The following SETD3 variants were observed in gnomAD, a reference collection of about 807,000 sequenced individuals.
SETD3 encodes SET domain containing 3, actin N3(tau)-histidine methyltransferase, also known as actin-histidine N-methyltransferase.
In SETD3, 19 loss-of-function variants were observed where a neutral mutation model predicts 63.0. The ratio of observed to expected loss-of-function variants is 0.30; its 90% CI spans 0.21 to 0.44. SETD3 has a LOEUF of 0.44. Ranked by LOEUF, SETD3 falls within the 20% of genes least tolerant of loss-of-function variation. The pLI, the probability that SETD3 is intolerant of heterozygous loss-of-function variation, is 1.00. For missense variants in SETD3, 587 were observed against 728.5 expected, an observed-to-expected ratio of 0.81 and a Z score of 2.24; for synonymous variants, 286 against 264.1, an observed-to-expected ratio of 1.08 and a Z score of -0.80.
Position 99,398,811 on chromosome 14 carries a change from C to G in SETD3, c.1653G>C (p.Gly551=). The G allele has an allele frequency of 6.2e-7, 1 of 1,614,194 alleles. No homozygotes were observed. The highest frequency in any genetic ancestry group is 8.5e-7 in the Non-Finnish European group (1 of 1,180,030). ...AISKAKATEN[G]LVNGENSIPN... is the part of the protein sequence containing the mutation. ...GGATAGAGTTTTCACCGTTTACAAG[C>G]CCGTTTTCTGTGGCCTTTGCTTTGC... is the stretch of plus-strand genomic sequence containing the variant. Residue 551 remains glycine, a synonymous_variant, in exon 13 of 13, where the codon GGG becomes GGC. Transcript: ENST00000331768.
intron 6 of SETD3, among the ~76,000 whole-genome samples, chr14:99,444,004 A>G (rs541038474): frequency 2.2e-4 from 33 of 151,852 alleles, no homozygotes; most frequent in Non-Finnish European, 3.8e-4. Flanking sequence ...CACCTTCTTT[A>G]CTCCCACGCA....
Position 99,400,084 on chromosome 14 carries a change from A to G in SETD3, c.1338+15T>C. 1 of 1,593,406 alleles carries G rather than the reference A, an allele frequency of 6.3e-7. No homozygotes were observed. The highest frequency in any genetic ancestry group is 8.6e-7 in the Non-Finnish European group (1 of 1,169,118). ...ACACAACAAGTTCAAAACCTCATTTATTTAGTGTAATTACCTCAATAGTTG... is the reference window on the plus strand; with the variant it reads ...ACACAACAAGTTCAAAACCTCATTTGTTTAGTGTAATTACCTCAATAGTTG... On this transcript the variant is annotated intron_variant, in intron 12 of 12. Transcript: ENST00000331768.
intron 9 of SETD3, among the ~76,000 whole-genome samples, chr14:99,406,099 T>C (rs542681647): frequency 6.6e-6 from 1 of 152,302 alleles, no homozygotes; most frequent in African/African-American, 2.4e-5. Flanking sequence ...AATGAAAGTA[T>C]AAGACAACAG....
At position 99,410,224 on chromosome 14, in the gene SETD3, T is replaced by C. The variant is rs963695475; in HGVS notation, c.849+2727A>G. ...AAGGAATCTTCTGGTGTCTGAAGAA[T>C]AGCAGGGAACCAGAGGTGAGTCAGA... is the stretch of plus-strand genomic sequence containing the variant. On this transcript the variant is annotated intron_variant, in intron 8 of 12. Transcript: ENST00000331768. The C allele has an allele frequency of 1.9e-6, 3 of 1,613,342 alleles. No individual in the cohort carries two copies. The African/African-American group carries it at 4.0e-5, about 22-fold the overall frequency.
intron 6 of SETD3, among the ~76,000 whole-genome samples, chr14:99,427,282 G>A (rs190637410): frequency 2.0e-5 from 3 of 152,308 alleles, no homozygotes; most frequent in Admixed American, 2.0e-4. Context: ...GACTTTCAGT[G>A]AAAATACGTT....
At chr14:99,463,177 T>G (rs1895170351) in intron 3 of SETD3, among the ~76,000 whole-genome samples, 1 of 152,204 alleles carries the variant, frequency 6.6e-6, no homozygotes, top group Admixed American at 6.5e-5. Context: ...GTCCTGAAAC[T>G]CAAAAGGAAA....
chr14:99,432,746 CCCAGCTTCAA>C (rs1327858196), intron 6 of SETD3, among the ~76,000 whole-genome samples: 1 of 152,138 alleles, frequency 6.6e-6, no homozygotes, highest in Non-Finnish European at 1.5e-5. Context: ...CTGAGAGGCT[CCCAGCTTCAA>C]CCTGCTGACA....
intron 8 of SETD3, among the ~76,000 whole-genome samples, chr14:99,409,399 C>T (rs558667031): frequency 2.1e-3 from 316 of 152,216 alleles, no homozygotes; most frequent in Non-Finnish European, 3.5e-3. Context: ...GGGTGGCAGC[C>T]GGAGTTTGTT....
intron 11 of SETD3, 44 bp from the exon 12 acceptor site, chr14:99,400,303 C>T: frequency 1.3e-6 from 2 of 1,563,286 alleles, no homozygotes; most frequent in Non-Finnish European, 1.7e-6. Context: ...GAAAACATAG[C>T]ACTCCTCATT....
Position 99,460,435 on chromosome 14 carries a change from G to A in SETD3, c.345+757C>T, listed in dbSNP as rs111873537. Among the ~76,000 whole-genome samples the A allele has an allele frequency of 1.7e-4, 26 of 152,124 alleles. 1 individual carries two copies. The highest frequency in any genetic ancestry group is 6.3e-4 in the African/African-American group (26 of 41,492). On this transcript the variant is annotated intron_variant, in intron 4 of 12. Coordinates refer to ENST00000331768, the MANE Select transcript of SETD3 (RefSeq NM_032233.3). Reference sequence around the variant, plus strand: ...ACTCCCCCACCTAGTTACAGGCAGAGCTGGATCCCCACCGCCCTCCCCACA... The same window carrying A: ...ACTCCCCCACCTAGTTACAGGCAGAACTGGATCCCCACCGCCCTCCCCACA...
intron 8 of SETD3, 200 bp downstream of exon 8, chr14:99,412,751 T>G (rs551303264): frequency 1.9e-6 from 1 of 532,210 alleles, no homozygotes; most frequent in South Asian, 2.7e-5. Context: ...CAGTTTTCAG[T>G]ATTAGTCAAT....
intron 1 of SETD3, among the ~76,000 whole-genome samples, chr14:99,477,697 G>C (rs1896043252): frequency 7.2e-6 from 1 of 139,652 alleles, no homozygotes; most frequent in Non-Finnish European, 1.5e-5. Flanking sequence ...GCGGTGAGCC[G>C]AGATCACGAC....
rs1300233571 is a variant in SETD3 at position 99,458,398 on chromosome 14, G to T, written c.556C>A (p.Pro186Thr). Reference sequence around the variant, plus strand: ...ACTTCATCTTCTTCAAAGTAGAGAGGAGTGTCATATTCACTGGGGAGGGTT... The same window carrying T: ...ACTTCATCTTCTTCAAAGTAGAGAGTAGTGTCATATTCACTGGGGAGGGTT... The part of the protein sequence containing the change: ...IQTLPSEYDT[P>T]LYFEEDEVRY... The change falls in exon 6 of 13, where the codon CCT becomes ACT. Residue 186 changes from proline to threonine, a missense_variant. Transcript: ENST00000331768. 1.9e-6 allele frequency: 3 copies of T among 1,614,000 alleles called. No homozygotes were observed. Among genetic ancestry groups the T allele is most frequent in the Non-Finnish European group, 2.5e-6 (3 of 1,180,038 alleles).
chr14:99,482,950 A>C (rs2139843835), upstream of SETD3, among the ~76,000 whole-genome samples: 1 of 152,370 alleles, frequency 6.6e-6, no homozygotes, highest in South Asian at 2.1e-4. Context: ...AATTAAATTC[A>C]AGGTAATTGA....
chr14:99,451,326 T>C (rs1313719333), intron 6 of SETD3, among the ~76,000 whole-genome samples: 1 of 152,190 alleles, frequency 6.6e-6, no homozygotes, highest in Non-Finnish European at 1.5e-5. Context: ...TCTTCTTCCC[T>C]GGCCTCTGTT....
At chr14:99,448,940 A>G (rs1007909310) in intron 6 of SETD3, among the ~76,000 whole-genome samples, 4 of 152,238 alleles carry the variant, frequency 2.6e-5, no homozygotes, top group African/African-American at 7.2e-5. Flanking sequence ...CACTCCATGC[A>G]AAAACTGCAC....
In SETD3 at chr14:99,463,414, C is replaced by T. The variant is rs544063277; in HGVS notation, c.196+72G>A. On this transcript the variant is annotated intron_variant, in intron 3 of 12. Transcript: ENST00000331768. ...CAATGATGCTGAGACCTTTACTACT[C>T]GTCAACCCTTTGACCTAATCAAGTT... The T allele has an allele frequency of 2.0e-5, 24 of 1,178,692 alleles. No individual in the cohort carries two copies. In the East Asian group the frequency reaches 3.5e-4, roughly 17 times the overall value. 73.0% of individuals were successfully genotyped at this position (1,178,692 alleles called of 1,614,324 possible).
intron 8 of SETD3, chr14:99,411,516 G>A (rs898118252): frequency 6.6e-6 from 1 of 152,092 alleles, no homozygotes; most frequent in African/African-American, 2.4e-5. Context: ...TTGCTACAGA[G>A]GTTCCTGGGT....
intron 11 of SETD3, among the ~76,000 whole-genome samples, chr14:99,401,583 T>G (rs1043011675): frequency 2.6e-5 from 4 of 152,242 alleles, no homozygotes; most frequent in Non-Finnish European, 5.9e-5. Flanking sequence ...CTAAAAGGAT[T>G]CAAGCAGTTT....
Sources: allele counts gnomAD v4.1 joint callset (sites outside exome capture counted in the v4.1 genomes callset), GRCh38; gene constraint gnomAD v4.1.1; transcripts MANE v1.5; gene names NCBI Gene and HGNC (gene_info 2026-07-23, HGNC 2026-07-21).